Variants in PAPPA observed in about 807,000 individuals in gnomAD.
The protein encoded by PAPPA is pappalysin-1.
A neutral mutation model predicts 164.0 loss-of-function variants in PAPPA; 60 were observed. That is an observed-to-expected ratio of 0.37 (90% CI 0.30 to 0.45). The LOEUF is 0.45. Among genes scored for constraint, PAPPA ranks in the 20% least tolerant of loss-of-function variants. The pLI is 1.00. For synonymous variants in PAPPA, 875 were observed against 814.1 expected (o/e 1.07, Z -1.27); for missense variants, 1,782 against 2,087.3 (o/e 0.85, Z 2.85).
chr9:116,178,930 A>G (rs1843868306), intron 1 of PAPPA, among the ~76,000 whole-genome samples: 1 of 152,220 alleles, frequency 6.6e-6, no homozygotes, highest in African/African-American at 2.4e-5. Flanking sequence ...CTGGAGACAC[A>G]AGAGCCAGAG....
At chr9:116,342,668 C>A (rs535320608) in intron 13 of PAPPA, among the ~76,000 whole-genome samples, 1 of 152,056 alleles carries the variant, frequency 6.6e-6, no homozygotes, top group African/African-American at 2.4e-5. Flanking sequence ...AAAACAAAAA[C>A]AACGACAAAA....
chr9:116,265,833 T>C, intron 7 of PAPPA, 24 bp from the exon 8 acceptor site: 2 of 1,574,410 alleles, frequency 1.3e-6, no homozygotes, highest in Non-Finnish European at 1.7e-6. Flanking sequence ...AATTGTATAA[T>C]TATGTCTTCT....
intron 13 of PAPPA, among the ~76,000 whole-genome samples, chr9:116,338,548 T>G (rs1564231821): frequency 6.6e-6 from 1 of 152,162 alleles, no homozygotes; most frequent in Admixed American, 6.5e-5. Flanking sequence ...TAGGTAGGAT[T>G]TGGAACACAG....
At chr9:116,345,751 T>C (rs1469461366) in intron 14 of PAPPA, among the ~76,000 whole-genome samples, 1 of 152,190 alleles carries the variant, frequency 6.6e-6, no homozygotes, top group Non-Finnish European at 1.5e-5. Context: ...ATAGGACGTG[T>C]CCTGCGTGAG....
At chr9:116,332,266 A>C (rs731146) in intron 11 of PAPPA, 67 bp from the exon 12 acceptor site, 276,119 of 1,425,152 alleles carry the variant, frequency 0.19, 30,615 homozygotes, top group Non-Finnish European at 0.23. Flanking sequence ...AATGCACCCC[A>C]ATGTGGCTGC....
At chr9:116,295,763 G>A (rs1254314436) in intron 9 of PAPPA, among the ~76,000 whole-genome samples, 1 of 151,998 alleles carries the variant, frequency 6.6e-6, no homozygotes, top group Non-Finnish European at 1.5e-5. Context: ...CTCTTTACAT[G>A]CTCAAACTAT....
Position 116,398,617 on chromosome 9 carries a change from A to AT in PAPPA, c.*2002dup, listed in dbSNP as rs1847001067. ...TCTCTGGCCAATTACACTAAGAAACATATCAAGGTGCTTTTGGCACAGGTG... is the reference window on the plus strand; with the variant it reads ...TCTCTGGCCAATTACACTAAGAAACATTATCAAGGTGCTTTTGGCACAGGTG... On this transcript the variant is annotated 3_prime_UTR_variant, in exon 22 of 22. Coordinates refer to ENST00000328252, the MANE Select transcript of PAPPA (RefSeq NM_002581.5). 1 of 1,071,892 alleles carries AT rather than the reference A, an allele frequency of 9.3e-7. No homozygotes were observed. The highest frequency in any genetic ancestry group is 1.6e-5 in the African/African-American group (1 of 61,890). The allele number at this position is 1,071,892 out of a possible 1,614,324, so 66.4% of individuals were successfully genotyped here.
intron 9 of PAPPA, among the ~76,000 whole-genome samples, chr9:116,289,514 A>G (rs1484108997): frequency 1.3e-5 from 2 of 151,648 alleles, no homozygotes; most frequent in African/African-American, 4.8e-5. Context: ...TTGACATTGA[A>G]TATTCCCAAT....
intron 9 of PAPPA, among the ~76,000 whole-genome samples, chr9:116,276,803 G>A (rs962407624): frequency 1.3e-5 from 2 of 152,020 alleles, no homozygotes; most frequent in East Asian, 1.9e-4. Context: ...TAGAGCCAGG[G>A]CCAGTAACTC....
chr9:116,309,876 C>T (rs1263064202), intron 10 of PAPPA, among the ~76,000 whole-genome samples: 1 of 152,266 alleles, frequency 6.6e-6, no homozygotes, highest in South Asian at 2.1e-4. Context: ...GTGTTGAACA[C>T]TTCTTACATG....
chr9:116,352,880 G>A lies in PAPPA; in HGVS notation c.4139G>A (p.Gly1380Glu), dbSNP rs377742343. The change falls in exon 16 of 22, where the codon GGA (glycine) becomes GAA (glutamate). Residue 1380 changes from glycine (G) to glutamate (E), a missense_variant. Around this residue, in one of 2 missense-constraint regions of PAPPA, gnomAD observed 1,324 missense variants for 1,656.9 expected, o/e 0.80. Coordinates refer to ENST00000328252, the MANE Select transcript of PAPPA (RefSeq NM_002581.5). The part of the protein sequence containing the change: ...GSFCKYKCKP[G>E]YHVPGSSRKS... ...TTCTGCAAATACAAATGCAAGCCTG[G>A]ATACCATGTGCCTGGATCCTCTCGG... 6.2e-7 allele frequency: 1 copy of A among 1,614,138 alleles called. No homozygotes were observed.
intron 1 of PAPPA, among the ~76,000 whole-genome samples, chr9:116,183,444 A>G (rs1843931043): frequency 6.6e-6 from 1 of 152,184 alleles, no homozygotes; most frequent in Admixed American, 6.5e-5. Flanking sequence ...AGGTGGTATG[A>G]CTTGTCCCAG....
intron 10 of PAPPA, among the ~76,000 whole-genome samples, chr9:116,324,331 C>T (rs913008659): frequency 3.9e-5 from 6 of 152,202 alleles, no homozygotes; most frequent in Non-Finnish European, 7.3e-5. Flanking sequence ...ACCCACCTCA[C>T]AGAGTCATGG....
At chr9:116,391,847 G>A (rs1212195207) in intron 21 of PAPPA, among the ~76,000 whole-genome samples, 1 of 152,232 alleles carries the variant, frequency 6.6e-6, no homozygotes. Context: ...GGTTTTCTTG[G>A]GAGGCCGCCT....
intron 7 of PAPPA, among the ~76,000 whole-genome samples, chr9:116,256,449 T>A (rs1844928922): frequency 1.3e-5 from 2 of 151,868 alleles, no homozygotes; most frequent in South Asian, 4.2e-4. Flanking sequence ...CTAATCAGAT[T>A]AAAGCCAATT....
intron 1 of PAPPA, among the ~76,000 whole-genome samples, chr9:116,176,476 C>A (rs112205392): frequency 3.3e-5 from 5 of 151,972 alleles, no homozygotes; most frequent in Admixed American, 6.6e-5. Context: ...TTTTTCATAC[C>A]CTTTATGGTG....
intron 9 of PAPPA, among the ~76,000 whole-genome samples, chr9:116,297,534 T>A: frequency 6.6e-6 from 1 of 152,252 alleles, no homozygotes; most frequent in East Asian, 1.9e-4. Context: ...TCTAGTGACA[T>A]CATAAATTCC....
chr9:116,387,949 C>T (rs1382683824), intron 21 of PAPPA, among the ~76,000 whole-genome samples: 3 of 152,182 alleles, frequency 2.0e-5, no homozygotes, highest in Non-Finnish European at 4.4e-5. Flanking sequence ...GTTAAGCACT[C>T]AGCATCTTCT....
chr9:116,220,473 TTTATA>T (rs1309090090), intron 5 of PAPPA, among the ~76,000 whole-genome samples: 1 of 148,846 alleles, frequency 6.7e-6, no homozygotes, highest in Non-Finnish European at 1.5e-5. Flanking sequence ...GGCAAAAACA[TTTATA>T]TTATATTATA....
Sources: gnomAD v4.1 joint callset for allele counts (sites outside exome capture counted in the v4.1 genomes callset) on GRCh38, gnomAD v4.1.1 for gene constraint, gnomAD v4.1.1 regional missense constraint, MANE v1.5 for transcripts, NCBI Gene and HGNC (gene_info 2026-07-23, HGNC 2026-07-21) for gene names.